Variants in LINGO2 observed in about 807,000 individuals in gnomAD.
LINGO2 encodes the protein leucine-rich repeat and immunoglobulin-like domain-containing nogo receptor-interacting protein 2.
A neutral mutation model predicts 30.6 loss-of-function variants in LINGO2; 14 were observed. The observed-to-expected ratio is 0.46, with a 90% CI of 0.30 to 0.72. The LOEUF (loss-of-function observed/expected upper bound fraction) is 0.72, where lower values mean the gene tolerates loss of function less well. Among genes scored for constraint, LINGO2 ranks in the 30% least tolerant of loss-of-function variants. The pLI, the probability that LINGO2 is intolerant of heterozygous loss-of-function variation, is 0.07. For missense variants in LINGO2, 729 were observed against 751.7 expected, an observed-to-expected ratio of 0.97 and a Z score of 0.35; for synonymous variants, 317 against 288.5, an observed-to-expected ratio of 1.10 and a Z score of -1.00.
chr9:28,426,369 C>T (rs1587655878), intron 2 of LINGO2, among the ~76,000 whole-genome samples: 1 of 152,100 alleles, frequency 6.6e-6, no homozygotes, highest in South Asian at 2.1e-4. Context: ...TCTCATATAT[C>T]TGAAAAAGAA....
chr9:28,055,594 CAA>C (rs1824893190), intron 4 of LINGO2, among the ~76,000 whole-genome samples: 2 of 152,172 alleles, frequency 1.3e-5, no homozygotes, highest in Non-Finnish European at 1.5e-5. Context: ...TCTAATTTCT[CAA>C]AATGTTTTCT....
chr9:29,180,461 C>A, the LINGO2 span, among the ~76,000 whole-genome samples: 1 of 152,132 alleles, frequency 6.6e-6, no homozygotes, highest in African/African-American at 2.4e-5. Flanking sequence ...AACAATGGGT[C>A]CAGAAACCAA....
chr9:28,790,992 T>A, the LINGO2 span, among the ~76,000 whole-genome samples: 1 of 152,112 alleles, frequency 6.6e-6, no homozygotes, highest in East Asian at 1.9e-4. Flanking sequence ...AAAGAATGAA[T>A]CTTGCTTACA....
At chr9:28,193,928 C>G (rs1475609845) in intron 4 of LINGO2, among the ~76,000 whole-genome samples, 1 of 152,176 alleles carries the variant, frequency 6.6e-6, no homozygotes, top group Non-Finnish European at 1.5e-5. Flanking sequence ...AGTCATACTG[C>G]TCATACGGCA....
At chr9:28,563,388 C>G (rs1318966588) in intron 1 of LINGO2, among the ~76,000 whole-genome samples, 1 of 151,976 alleles carries the variant, frequency 6.6e-6, no homozygotes, top group Non-Finnish European at 1.5e-5. Context: ...ACTTAGTGAC[C>G]AGAAGTCATA....
At chr9:28,490,802 T>A (rs894532446) in intron 1 of LINGO2, among the ~76,000 whole-genome samples, 3 of 152,272 alleles carry the variant, frequency 2.0e-5, no homozygotes, top group African/African-American at 7.2e-5. Context: ...TCGTAATCTA[T>A]CAAAACTACT....
chr9:28,807,384 C>T, the LINGO2 span, among the ~76,000 whole-genome samples: 25 of 152,284 alleles, frequency 1.6e-4, no homozygotes, highest in Middle Eastern at 3.4e-3. Flanking sequence ...GAGAACTAAT[C>T]TGCTTTCTTC....
At position 28,517,833 on chromosome 9, in the gene LINGO2, T is replaced by C. The variant is rs141505823; in HGVS notation, c.-364-41808A>G. On this transcript the variant is annotated intron_variant, in intron 1 of 5. Coordinates refer to ENST00000379992, the Ensembl canonical transcript of LINGO2. ...CCTATTTTCCCCAATAGAAACACAA[T>C]GAAAATTCAAACACAATAAATCATC... Among the ~76,000 whole-genome samples the C allele has an allele frequency of 3.9e-3, 601 of 152,274 alleles. 9 individuals are homozygous for C. The highest frequency in any genetic ancestry group is 2.6e-3 in the Admixed American group (39 of 15,286).
intron 1 of LINGO2, among the ~76,000 whole-genome samples, chr9:28,662,445 T>G (rs1334547954): frequency 6.6e-6 from 1 of 152,182 alleles, no homozygotes; most frequent in East Asian, 1.9e-4. Context: ...CACCTCCTCA[T>G]GTAATCTATC....
At chr9:27,943,699 G>C (rs909530875), downstream of LINGO2, 2 of 151,840 alleles carry the variant, frequency 1.3e-5, no homozygotes, top group African/African-American at 4.8e-5. Context: ...TCCCTGGAGA[G>C]AGCGTTCATT....
chr9:28,557,479 T>G (rs924066428), intron 1 of LINGO2, among the ~76,000 whole-genome samples: 4 of 152,038 alleles, frequency 2.6e-5, no homozygotes, highest in Non-Finnish European at 5.9e-5. Flanking sequence ...ATGGCGATCA[T>G]TAAAAAGTCA....
chr9:28,263,949 C>G (rs1822655470), intron 4 of LINGO2, among the ~76,000 whole-genome samples: 1 of 151,868 alleles, frequency 6.6e-6, no homozygotes, highest in Non-Finnish European at 1.5e-5. Flanking sequence ...ATGAATATTA[C>G]TTTTATGATT....
At chr9:27,978,058 C>T (rs1314099647) in intron 5 of LINGO2, among the ~76,000 whole-genome samples, 1 of 151,942 alleles carries the variant, frequency 6.6e-6, no homozygotes, top group Non-Finnish European at 1.5e-5. Context: ...CTGGAAAGGA[C>T]ATCCAATAAA....
the LINGO2 span, among the ~76,000 whole-genome samples, chr9:29,080,423 A>AT: frequency 6.6e-6 from 1 of 150,574 alleles, no homozygotes; most frequent in Non-Finnish European, 1.5e-5. Flanking sequence ...TTTTTTAAGG[A>AT]TTTTTTGTGT....
chr9:28,970,652 A>G, the LINGO2 span, among the ~76,000 whole-genome samples: 8,603 of 152,236 alleles, frequency 0.057, 269 homozygotes, highest in East Asian at 0.11. Context: ...GACCAGACTC[A>G]GCTGACATCC....
chr9:28,140,944 TATAA>T (rs1260444325), intron 4 of LINGO2, among the ~76,000 whole-genome samples: 2 of 149,898 alleles, frequency 1.3e-5, no homozygotes, highest in African/African-American at 2.4e-5. Flanking sequence ...CTTAATATAA[TATAA>T]ATAATATATA....
At chr9:28,274,970 C>T (rs1564089074) in intron 4 of LINGO2, among the ~76,000 whole-genome samples, 1 of 152,292 alleles carries the variant, frequency 6.6e-6, no homozygotes, top group East Asian at 1.9e-4. Context: ...TAGAGTAAGC[C>T]TTTATTGATT....
chr9:28,733,824 A>G, the LINGO2 span, among the ~76,000 whole-genome samples: 1 of 152,020 alleles, frequency 6.6e-6, no homozygotes, highest in East Asian at 1.9e-4. Flanking sequence ...ATCCATTCAC[A>G]TATCTATTCT....
the LINGO2 span, among the ~76,000 whole-genome samples, chr9:28,991,844 C>T: frequency 2.7e-5 from 4 of 149,728 alleles, no homozygotes; most frequent in East Asian, 2.0e-4. Context: ...CAGGCCTGCC[C>T]TAAAAGAGCT....
Sources: allele counts gnomAD v4.1 joint callset (sites outside exome capture counted in the v4.1 genomes callset), GRCh38; gene constraint gnomAD v4.1.1; transcripts MANE v1.5; gene names NCBI Gene and HGNC (gene_info 2026-07-23, HGNC 2026-07-21).